Variants in ATRNL1 observed in about 807,000 individuals in gnomAD.
The protein encoded by ATRNL1 is attractin like 1.
In ATRNL1, 95 loss-of-function variants were observed where a neutral mutation model predicts 182.7. The ratio of observed to expected loss-of-function variants is 0.52; its 90% CI spans 0.44 to 0.62. ATRNL1 has a LOEUF of 0.62. Ranked by LOEUF, ATRNL1 falls within the 20% of genes least tolerant of loss-of-function variation. The pLI, the probability that ATRNL1 is intolerant of heterozygous loss-of-function variation, is 0.00. For missense variants in ATRNL1, 1,471 were observed against 1,679.5 expected, an observed-to-expected ratio of 0.88 and a Z score of 2.17; for synonymous variants, 576 against 568.3, an observed-to-expected ratio of 1.01 and a Z score of -0.19.
chr10:115,691,197 A>G lies in ATRNL1; in HGVS notation c.3796-36051A>G, dbSNP rs140182835. On this transcript the variant is annotated intron_variant, in intron 26 of 28. Coordinates refer to ENST00000355044, the MANE Select transcript of ATRNL1 (RefSeq NM_207303.4). ...TTATTTTTAACCTTCAGGAACTTCC[A>G]TAGTGTTTTCCATCGTGCCTGTACC... Among the ~76,000 whole-genome samples, 214 of 152,236 alleles carry G rather than the reference A, an allele frequency of 1.4e-3. 1 individual carries two copies. Among genetic ancestry groups the G allele is most frequent in the African/African-American group, 4.4e-3 (184 of 41,534 alleles).
intron 21 of ATRNL1, among the ~76,000 whole-genome samples, chr10:115,450,748 A>G (rs1284817004): frequency 2.0e-5 from 3 of 152,192 alleles, no homozygotes; most frequent in Non-Finnish European, 2.9e-5. Context: ...TACCAGCAGC[A>G]TTCTTCACAG....
chr10:115,819,309 C>A (rs1398917292), intron 27 of ATRNL1, among the ~76,000 whole-genome samples: 1 of 152,036 alleles, frequency 6.6e-6, no homozygotes, highest in Non-Finnish European at 1.5e-5. Flanking sequence ...TATACTGTTT[C>A]CCCCCTCCAG....
intron 19 of ATRNL1, among the ~76,000 whole-genome samples, chr10:115,366,321 T>A (rs1338219075): frequency 2.6e-5 from 4 of 151,902 alleles, no homozygotes; most frequent in African/African-American, 9.6e-5. Context: ...GTCTGTTTTG[T>A]CAGAGACTAG....
At chr10:115,469,434 T>C (rs1848205380) in intron 24 of ATRNL1, 105 bp downstream of exon 24, 1 of 670,120 alleles carries the variant, frequency 1.5e-6, no homozygotes, top group South Asian at 2.7e-5. Context: ...ACTTGACTAA[T>C]ACAAAAACAT....
chr10:115,396,172 C>T (rs539551479), intron 20 of ATRNL1, among the ~76,000 whole-genome samples: 10 of 151,964 alleles, frequency 6.6e-5, no homozygotes, highest in Admixed American at 5.3e-4. Context: ...ACAAGGTAAG[C>T]ACAATCAGTT....
chr10:115,518,673 A>T (rs1232595793), intron 24 of ATRNL1, among the ~76,000 whole-genome samples: 1 of 151,938 alleles, frequency 6.6e-6, no homozygotes, highest in Admixed American at 6.6e-5. Context: ...CTCTATCCAG[A>T]TGCTATATTG....
At chr10:115,480,237 A>AC (rs1554973899) in intron 24 of ATRNL1, among the ~76,000 whole-genome samples, 10 of 129,368 alleles carry the variant, frequency 7.7e-5, no homozygotes, top group Admixed American at 3.0e-4. Context: ...CACACACACA[A>AC]AACAGAAAAC....
At chr10:115,912,644 C>T (rs1952718554) in intron 28 of ATRNL1, among the ~76,000 whole-genome samples, 1 of 151,232 alleles carries the variant, frequency 6.6e-6, no homozygotes, top group African/African-American at 2.4e-5. Context: ...CTCAACACAA[C>T]ATGATTTATA....
intron 19 of ATRNL1, among the ~76,000 whole-genome samples, chr10:115,346,740 G>C (rs1468101767): frequency 6.7e-6 from 1 of 148,248 alleles, no homozygotes; most frequent in African/African-American, 2.4e-5. Flanking sequence ...GGCTTTTTTT[G>C]CTGTTGAATT....
chr10:115,931,079 A>AG (rs1265037321), intron 28 of ATRNL1, among the ~76,000 whole-genome samples: 1 of 152,190 alleles, frequency 6.6e-6, no homozygotes. Flanking sequence ...CCTTTTACTA[A>AG]GGGAGCGGGA....
chr10:115,659,530 G>A (rs1860541926), intron 26 of ATRNL1, among the ~76,000 whole-genome samples: 1 of 151,934 alleles, frequency 6.6e-6, no homozygotes, highest in South Asian at 2.1e-4. Context: ...TTAGGCAGTT[G>A]TATGCTATTT....
intron 25 of ATRNL1, among the ~76,000 whole-genome samples, chr10:115,535,838 C>T (rs1452396704): frequency 2.6e-5 from 4 of 152,082 alleles, no homozygotes; most frequent in Admixed American, 2.6e-4. Context: ...ATAGGACCGT[C>T]AGCTGCAGGT....
intron 14 of ATRNL1, among the ~76,000 whole-genome samples, chr10:115,283,448 C>T (rs1159295135): frequency 6.6e-6 from 1 of 152,010 alleles, no homozygotes; most frequent in African/African-American, 2.4e-5. Flanking sequence ...ACCATTGAGG[C>T]GCTGGAATGT....
At chr10:115,673,685 GACC>G (rs1945771233) in intron 26 of ATRNL1, among the ~76,000 whole-genome samples, 1 of 151,982 alleles carries the variant, frequency 6.6e-6, no homozygotes, top group African/African-American at 2.4e-5. Flanking sequence ...TTCCAGTGAT[GACC>G]ACAATATCTC....
chr10:115,866,560 A>G (rs1346779243), intron 28 of ATRNL1, among the ~76,000 whole-genome samples: 2 of 152,212 alleles, frequency 1.3e-5, no homozygotes, highest in Non-Finnish European at 2.9e-5. Context: ...TAGAGAGTTC[A>G]TAATTGACAG....
At chr10:115,215,129 C>G (rs1486157198) in intron 8 of ATRNL1, among the ~76,000 whole-genome samples, 1 of 152,158 alleles carries the variant, frequency 6.6e-6, no homozygotes, top group Non-Finnish European at 1.5e-5. Flanking sequence ...TACTAGTACT[C>G]CCATTGGTGG....
intron 28 of ATRNL1, among the ~76,000 whole-genome samples, chr10:115,934,528 T>A (rs994256364): frequency 2.7e-4 from 41 of 152,100 alleles, no homozygotes; most frequent in African/African-American, 9.4e-4. Context: ...TTCCATCATA[T>A]GCTTGTGAAT....
chr10:115,783,458 C>T (rs1949318782), intron 27 of ATRNL1, among the ~76,000 whole-genome samples: 1 of 152,178 alleles, frequency 6.6e-6, no homozygotes, highest in Admixed American at 6.5e-5. Context: ...AACCTCCATT[C>T]ACCTCAGCAG....
At chr10:115,342,725 AT>A (rs1180695584) in intron 19 of ATRNL1, among the ~76,000 whole-genome samples, 6 of 146,308 alleles carry the variant, frequency 4.1e-5, no homozygotes, top group South Asian at 2.1e-4. Context: ...GATTAATGTC[AT>A]TTTTTTTTTC....
Sources: gnomAD v4.1 joint callset for allele counts (sites outside exome capture counted in the v4.1 genomes callset) on GRCh38, gnomAD v4.1.1 for gene constraint, MANE v1.5 for transcripts, NCBI Gene and HGNC (gene_info 2026-07-23, HGNC 2026-07-21) for gene names.